The following SORCS3 variants were observed in gnomAD, a reference collection of about 807,000 sequenced individuals.
SORCS3 encodes the protein VPS10 domain-containing receptor SorCS3.
A neutral mutation model predicts 146.3 loss-of-function variants in SORCS3; 57 were observed. The observed-to-expected ratio is 0.39, with a 90% CI of 0.31 to 0.49. The LOEUF (loss-of-function observed/expected upper bound fraction) is 0.49. Among genes scored for constraint, SORCS3 ranks in the 20% least tolerant of loss-of-function variants. The probability of loss-of-function intolerance (pLI) is 0.92; values close to 1 mark genes in which losing one functional copy is unlikely to be tolerated. For synonymous variants in SORCS3, 653 were observed against 618.5 expected (o/e 1.06, Z -0.83); for missense variants, 1,341 against 1,575.5 (o/e 0.85, Z 2.52).
intron 2 of SORCS3, among the ~76,000 whole-genome samples, chr10:104,878,504 G>T (rs1244660644): frequency 6.6e-6 from 1 of 152,076 alleles, no homozygotes; most frequent in African/African-American, 2.4e-5. Context: ...TTGAGCTATT[G>T]CCTTCTGTGT....
At chr10:105,043,277 A>T (rs2055350028) in intron 5 of SORCS3, 149 bp downstream of exon 5, 1 of 676,654 alleles carries the variant, frequency 1.5e-6, no homozygotes, top group Admixed American at 2.6e-5. Context: ...TAGCAGCATC[A>T]GCATCACCTG....
chr10:105,219,229 AG>A (rs928477748), intron 19 of SORCS3, among the ~76,000 whole-genome samples: 3 of 152,186 alleles, frequency 2.0e-5, no homozygotes, highest in African/African-American at 7.2e-5. Flanking sequence ...CAAAGGGAAA[AG>A]GCTCAGGGGG....
At chr10:105,200,945 G>A (rs934717883) in intron 15 of SORCS3, among the ~76,000 whole-genome samples, 175 bp from the exon 16 acceptor site, 4 of 152,234 alleles carry the variant, frequency 2.6e-5, no homozygotes, top group African/African-American at 7.2e-5. Flanking sequence ...CCTTTTATGT[G>A]GTAGTGAAAG....
At chr10:104,704,627 A>G (rs1393434213) in intron 1 of SORCS3, among the ~76,000 whole-genome samples, 1 of 152,226 alleles carries the variant, frequency 6.6e-6, no homozygotes, top group African/African-American at 2.4e-5. Context: ...GACTTTCTGC[A>G]GAATGAATGT....
intron 14 of SORCS3, among the ~76,000 whole-genome samples, chr10:105,182,990 C>T (rs1342924152): frequency 6.6e-6 from 1 of 152,136 alleles, no homozygotes; most frequent in Admixed American, 6.6e-5. Context: ...GACACATGTG[C>T]CAGTGCGCCT....
At chr10:105,149,203 A>C (rs866272965) in intron 9 of SORCS3, among the ~76,000 whole-genome samples, 2 of 152,140 alleles carry the variant, frequency 1.3e-5, no homozygotes, top group Non-Finnish European at 2.9e-5. Flanking sequence ...GGACTAATAC[A>C]CTGAGAGTGG....
chr10:105,262,192 CTG>C, intron 25 of SORCS3, 137 bp from the exon 26 acceptor site: 1 of 746,746 alleles, frequency 1.3e-6, no homozygotes, highest in Non-Finnish European at 2.2e-6. Context: ...CTCATTGTCT[CTG>C]GGGTTACCAA....
intron 1 of SORCS3, among the ~76,000 whole-genome samples, chr10:104,659,141 A>T (rs2015669817): frequency 6.6e-6 from 1 of 152,230 alleles, no homozygotes; most frequent in South Asian, 2.1e-4. Context: ...AAGGGGAGCA[A>T]GGAGGACTTT....
chr10:105,031,362 C>CACACAAAA, intron 4 of SORCS3, among the ~76,000 whole-genome samples: 1 of 143,806 alleles, frequency 7.0e-6, no homozygotes, highest in African/African-American at 2.7e-5. Flanking sequence ...CACACACACA[C>CACACAAAA]AAAAACATGT....
At chr10:105,213,029 A>G (rs1166152594) in intron 17 of SORCS3, among the ~76,000 whole-genome samples, 1 of 152,228 alleles carries the variant, frequency 6.6e-6, no homozygotes, top group Non-Finnish European at 1.5e-5. Context: ...CCAAAATATT[A>G]TCATTTCAAC....
intron 3 of SORCS3, 127 bp from the exon 4 acceptor site, chr10:104,977,206 TAC>T: frequency 1.6e-6 from 1 of 613,506 alleles, no homozygotes; most frequent in Non-Finnish European, 2.4e-6. Flanking sequence ...AAGTATTTTT[TAC>T]AGAGGCCCAG....
chr10:105,119,141 C>T (rs1266072162), intron 7 of SORCS3, among the ~76,000 whole-genome samples: 3 of 152,168 alleles, frequency 2.0e-5, no homozygotes, highest in Non-Finnish European at 1.5e-5. Context: ...CCCCGCATCC[C>T]AGCCTCTCCA....
intron 5 of SORCS3, among the ~76,000 whole-genome samples, chr10:105,060,035 G>A (rs1044045321): frequency 6.6e-6 from 1 of 152,210 alleles, no homozygotes; most frequent in Non-Finnish European, 1.5e-5. Context: ...GAGACAACTG[G>A]ACAAATGGCT....
chr10:105,255,539 C>T (rs1355345405), intron 23 of SORCS3, among the ~76,000 whole-genome samples, 163 bp from the exon 24 acceptor site: 1 of 152,072 alleles, frequency 6.6e-6, no homozygotes, highest in Non-Finnish European at 1.5e-5. Context: ...TTCACAAGGC[C>T]CCAAGGGCTG....
At chr10:104,850,157 G>T (rs1311417524) in intron 2 of SORCS3, among the ~76,000 whole-genome samples, 1 of 152,140 alleles carries the variant, frequency 6.6e-6, no homozygotes, top group Non-Finnish European at 1.5e-5. Flanking sequence ...AGGCAGGGTG[G>T]GGCCATGCAT....
intron 3 of SORCS3, among the ~76,000 whole-genome samples, chr10:104,950,160 T>G (rs1405309375): frequency 6.6e-6 from 1 of 152,190 alleles, no homozygotes; most frequent in Non-Finnish European, 1.5e-5. Flanking sequence ...GCCTCTGCTC[T>G]CCTCTTAATC....
At chr10:104,831,367 C>T (rs2017998729) in intron 1 of SORCS3, among the ~76,000 whole-genome samples, 1 of 152,106 alleles carries the variant, frequency 6.6e-6, no homozygotes, top group South Asian at 2.1e-4. Context: ...CTTATGGGCA[C>T]CATCTATTTA....
chr10:105,084,525 C>A (rs1051627450), intron 5 of SORCS3, among the ~76,000 whole-genome samples: 2 of 152,110 alleles, frequency 1.3e-5, no homozygotes, highest in Admixed American at 6.5e-5. Context: ...AGACGAGGGA[C>A]CTGATTGCTT....
intron 4 of SORCS3, among the ~76,000 whole-genome samples, chr10:104,993,094 AT>A (rs2055004365): frequency 6.6e-6 from 1 of 152,308 alleles, no homozygotes; most frequent in South Asian, 2.1e-4. Flanking sequence ...AACACTGACC[AT>A]GACAAGAATC....
Sources: gnomAD v4.1 joint callset for allele counts (sites outside exome capture counted in the v4.1 genomes callset) on GRCh38, gnomAD v4.1.1 for gene constraint, MANE v1.5 for transcripts, NCBI Gene and HGNC (gene_info 2026-07-23, HGNC 2026-07-21) for gene names.